Variants in COL5A1 observed in about 807,000 individuals in gnomAD.
COL5A1 encodes the protein collagen type V alpha 1 chain.
A neutral mutation model predicts 263.7 loss-of-function variants in COL5A1; 16 were observed. The ratio of observed to expected loss-of-function variants is 0.06; its 90% CI spans 0.04 to 0.09. COL5A1 has a LOEUF of 0.09. COL5A1 is among the 10% of genes least tolerant of loss of function. COL5A1 has a pLI of 1.00. For missense variants in COL5A1, 2,036 were observed against 2,540.5 expected (o/e 0.80, Z 4.27); for synonymous variants, 1,012 against 1,004.5 (o/e 1.01, Z -0.14).
chr9:134,794,537 A>G lies in COL5A1; in HGVS notation c.2701-545A>G, dbSNP rs573431035. 1.5e-3 allele frequency among the ~76,000 whole-genome samples: 227 copies of G among 152,334 alleles called. No homozygotes were observed. Among genetic ancestry groups the G allele is most frequent in the Non-Finnish European group, 2.7e-3 (187 of 68,032 alleles). On this transcript the variant is annotated intron_variant, in intron 32 of 65. Coordinates refer to ENST00000371817, the MANE Select transcript of COL5A1 (RefSeq NM_000093.5). The surrounding 1 kb of genome is among the most constrained non-coding windows in gnomAD (Gnocchi z 4.3). ...CAACAGAAAAAAGAGTATAAATTCT[A>G]TTAGAGGAGAAGCCGATGACTCTTG...
At chr9:134,709,297 G>T in intron 4 of COL5A1, 1 of 217,184 alleles carries the variant, frequency 4.6e-6, no homozygotes, top group Non-Finnish European at 8.5e-6. Flanking sequence ...GCTGAGCTGT[G>T]CCTGGCTGAG....
intron 65 of COL5A1, among the ~76,000 whole-genome samples, chr9:134,838,752 A>G (rs1839925250): frequency 6.6e-6 from 1 of 152,218 alleles, no homozygotes; most frequent in Admixed American, 6.5e-5. Context: ...TGGAAAGCAA[A>G]GATTCTGACT....
At chr9:134,784,929 GGTGGAGAATAGT>G in intron 29 of COL5A1, 48 bp from the exon 30 acceptor site, 1 of 1,316,876 alleles carries the variant, frequency 7.6e-7, no homozygotes, top group Non-Finnish European at 1.1e-6. Flanking sequence ...TCAGAATGGT[GGTGGAGAATAGT>G]GTGTGTGCGG....
rs533833037 is a variant in COL5A1 at position 134,800,978 on chromosome 9, T to C, written c.2953-976T>C. 2.0e-5 allele frequency among the ~76,000 whole-genome samples: 3 copies of C among 152,196 alleles called. No individual in the cohort carries two copies. In the South Asian group the frequency reaches 6.2e-4, roughly 32 times the overall value. On this transcript the variant is annotated intron_variant, in intron 37 of 65. Coordinates refer to ENST00000371817, the MANE Select transcript of COL5A1 (RefSeq NM_000093.5). ...TAGAAGGTGTGCATGTCTCCACCAG[T>C]GTCATGTGGCACCTGCAGATGGCTT...
chr9:134,771,769 C>G (rs898052944), intron 25 of COL5A1, among the ~76,000 whole-genome samples: 1 of 152,182 alleles, frequency 6.6e-6, no homozygotes, highest in Non-Finnish European at 1.5e-5. Context: ...TGCCCAAGCT[C>G]ACACAGCAGG....
intron 31 of COL5A1, among the ~76,000 whole-genome samples, chr9:134,788,587 G>A (rs904267331): frequency 1.4e-5 from 2 of 141,628 alleles, no homozygotes. Flanking sequence ...GTGGGTGGGT[G>A]GGTAGGTGGA....
At chr9:134,751,004 A>C in intron 13 of COL5A1, 122 bp downstream of exon 13, 1 of 867,546 alleles carries the variant, frequency 1.2e-6, no homozygotes, top group Non-Finnish European at 1.9e-6. Flanking sequence ...TGATCCCAGA[A>C]TGCCTGCTTG....
chr9:134,730,163 G>A (rs1007536369), intron 6 of COL5A1, 73 bp from the exon 7 acceptor site: 16 of 1,595,164 alleles, frequency 1.0e-5, no homozygotes, highest in African/African-American at 1.3e-5. Flanking sequence ...ACCCGGACAT[G>A]CGGCAAGTCC....
Position 134,812,684 on chromosome 9 carries a change from T to G in COL5A1, c.3824T>G (p.Ile1275Arg). 1 of 1,588,274 alleles carries G rather than the reference T, an allele frequency of 6.3e-7. No individual in the cohort carries two copies. The highest frequency in any genetic ancestry group is 1.1e-5 in the South Asian group (1 of 87,226). The change falls in exon 48 of 66, where the codon ATA (isoleucine) becomes AGA (arginine). Residue 1275 changes from isoleucine (I) to arginine (R), a missense_variant. Ile to Arg is a moderately conservative substitution (Grantham distance 97). Around this residue, in one of 3 missense-constraint regions of COL5A1, gnomAD observed 1,078 missense variants for 1,521.4 expected, o/e 0.71. Coordinates refer to ENST00000371817, the MANE Select transcript of COL5A1 (RefSeq NM_000093.5). ...GGCCCACAAGGTCCCCCAGGTGGAA[T>G]AGGAAACCCTGGTGCAGTGGGAGAG... ...ADGPQGPPGG[I>R]GNPGAVGEKG...
intron 1 of COL5A1, among the ~76,000 whole-genome samples, chr9:134,657,985 G>T (rs991149513): frequency 6.6e-6 from 1 of 151,980 alleles, no homozygotes; most frequent in Non-Finnish European, 1.5e-5. Context: ...ACTGACGAGG[G>T]ATGGGCCGGG....
chr9:134,728,717 C>T lies in COL5A1; in HGVS notation c.834C>T (p.Pro278=). 4 of 1,614,194 alleles carry T rather than the reference C, an allele frequency of 2.5e-6. No individual in the cohort carries two copies. The highest frequency in any genetic ancestry group is 1.3e-5 in the African/African-American group (1 of 75,060). ...GTGAGACCTATTACTACGAATACCC[C>T]TACTACGAAGACCCCGAAGACCTAG... is the stretch of plus-strand genomic sequence containing the variant. ...GEGETYYYEY[P]YYEDPEDLGK... The change falls in exon 6 of 66, where the codon CCC becomes CCT. Residue 278 remains proline, a synonymous_variant. Transcript: ENST00000371817.
At chr9:134,667,738 C>T (rs1195109279) in intron 1 of COL5A1, among the ~76,000 whole-genome samples, 1 of 152,222 alleles carries the variant, frequency 6.6e-6, no homozygotes, top group African/African-American at 2.4e-5. Flanking sequence ...ACCTGGAAGT[C>T]CTCAGGCACA....
At chr9:134,812,299 C>A in intron 46 of COL5A1, 150 bp from the exon 47 acceptor site, 1 of 747,842 alleles carries the variant, frequency 1.3e-6, no homozygotes, top group Admixed American at 2.0e-5. Flanking sequence ...AACCCCGGGA[C>A]GTCCTCGTGG....
intron 26 of COL5A1, among the ~76,000 whole-genome samples, chr9:134,773,638 T>C (rs1836945938): frequency 1.3e-5 from 2 of 152,236 alleles, no homozygotes; most frequent in Non-Finnish European, 2.9e-5. Flanking sequence ...AAGCAGGGCC[T>C]GTGCAGGCAA....
At chr9:134,748,596 C>T (rs1835661848) in intron 11 of COL5A1, among the ~76,000 whole-genome samples, 1 of 152,222 alleles carries the variant, frequency 6.6e-6, no homozygotes, top group South Asian at 2.1e-4. Context: ...TGTTTTGGAT[C>T]TTTATTTTTT....
At chr9:134,668,326 T>C (rs1467793768) in intron 1 of COL5A1, among the ~76,000 whole-genome samples, 1 of 152,118 alleles carries the variant, frequency 6.6e-6, no homozygotes, top group Non-Finnish European at 1.5e-5. Context: ...AGGAGATGAA[T>C]AGGAATTCAC....
intron 11 of COL5A1, among the ~76,000 whole-genome samples, chr9:134,744,442 T>C (rs1046448923): frequency 4.6e-5 from 7 of 150,804 alleles, no homozygotes; most frequent in African/African-American, 1.5e-4. Flanking sequence ...CACACACTCA[T>C]GTGTACACGC....
intron 4 of COL5A1, among the ~76,000 whole-genome samples, chr9:134,724,910 G>C (rs1834592975): frequency 6.6e-6 from 1 of 152,118 alleles, no homozygotes; most frequent in South Asian, 2.1e-4. Context: ...GGTGAACCAG[G>C]CTCGGATGAA....
rs77818497 is a variant in COL5A1, at chr9:134,768,311, G to A, written c.2233-99G>A. ...CTGACCACACTTCTCAGCAAATGCT[G>A]TGTGGGCAGAAATGTTGAAAAGTAA... On this transcript the variant is annotated intron_variant, in intron 24 of 65. Transcript: ENST00000371817. 1.3e-3 allele frequency: 1,438 copies of A among 1,088,910 alleles called. 16 individuals are homozygous for A. The African/African-American group carries it at 0.02, about 15-fold the overall frequency. The allele number at this position is 1,088,910 out of a possible 1,614,324, so 67.5% of individuals were successfully genotyped here.
Sources: allele counts gnomAD v4.1 joint callset (sites outside exome capture counted in the v4.1 genomes callset), GRCh38; gene constraint gnomAD v4.1.1; regional missense constraint gnomAD v4.1.1; non-coding constraint Gnocchi (gnomAD v3.1); transcripts MANE v1.5; gene names NCBI Gene and HGNC (gene_info 2026-07-23, HGNC 2026-07-21).